Variants in ATP13A4 observed in about 807,000 individuals in gnomAD.
The protein encoded by ATP13A4 is ATPase 13A4, also known as probable cation-transporting ATPase 13A4.
Under a neutral mutation model 142.5 loss-of-function variants are expected in ATP13A4, and 114 were observed. That is an observed-to-expected ratio of 0.80 (90% CI 0.69 to 0.93). The LOEUF (loss-of-function observed/expected upper bound fraction) is 0.93, where lower values mean the gene tolerates loss of function less well. ATP13A4 is among the 40% of genes least tolerant of loss of function. The probability of loss-of-function intolerance (pLI) is 0.00; values close to 1 mark genes in which losing one functional copy is unlikely to be tolerated. For missense variants in ATP13A4, 1,392 were observed against 1,454.0 expected, an observed-to-expected ratio of 0.96 and a Z score of 0.69; for synonymous variants, 488 against 514.8, an observed-to-expected ratio of 0.95 and a Z score of 0.70.
intron 2 of ATP13A4, among the ~76,000 whole-genome samples, chr3:193,562,526 T>G (rs951402367): frequency 6.6e-6 from 1 of 152,186 alleles, no homozygotes; most frequent in Non-Finnish European, 1.5e-5. Flanking sequence ...CTGTTCTCCT[T>G]GCCATTTGCC....
chr3:193,483,885 C>G, intron 8 of ATP13A4, 51 bp downstream of exon 8: 1 of 1,345,622 alleles, frequency 7.4e-7, no homozygotes, highest in Non-Finnish European at 1.1e-6. Flanking sequence ...AATTTAAATT[C>G]TTTTCTGATT....
At chr3:193,532,789 C>T (rs923948132) in intron 1 of ATP13A4, among the ~76,000 whole-genome samples, 1 of 152,034 alleles carries the variant, frequency 6.6e-6, no homozygotes, top group Non-Finnish European at 1.5e-5. Context: ...TGTATCAGAA[C>T]AAACTCAACT....
chr3:193,481,063 GAGCTA>G (rs2108656340), intron 8 of ATP13A4, among the ~76,000 whole-genome samples: 1 of 152,292 alleles, frequency 6.6e-6, no homozygotes, highest in South Asian at 2.1e-4. Flanking sequence ...TCATAAGTGG[GAGCTA>G]AGCTATGAGG....
At chr3:193,566,637 C>T (rs2108739154) in intron 2 of ATP13A4, among the ~76,000 whole-genome samples, 1 of 152,304 alleles carries the variant, frequency 6.6e-6, no homozygotes, top group Non-Finnish European at 1.5e-5. Flanking sequence ...TCCATTAGAT[C>T]CAGTGGTAAC....
At chr3:193,473,934 C>G (rs181343550) in intron 8 of ATP13A4, among the ~76,000 whole-genome samples, 1 of 152,278 alleles carries the variant, frequency 6.6e-6, no homozygotes, top group South Asian at 2.1e-4. Flanking sequence ...AAAACACGAA[C>G]GAGGTCTGAC....
At chr3:193,523,762 C>T (rs971124310) in intron 1 of ATP13A4, among the ~76,000 whole-genome samples, 5 of 152,134 alleles carry the variant, frequency 3.3e-5, no homozygotes, top group Admixed American at 6.5e-5. Context: ...TTTGTCCCCA[C>T]CAAACTCACA....
intron 2 of ATP13A4, among the ~76,000 whole-genome samples, chr3:193,509,499 G>T (rs1721032970): frequency 1.3e-5 from 2 of 152,122 alleles, no homozygotes; most frequent in Non-Finnish European, 1.5e-5. Context: ...ATATTTACTG[G>T]GTTGTAAAGT....
intron 11 of ATP13A4, 45 bp from the exon 12 acceptor site, chr3:193,465,173 G>T: frequency 6.3e-7 from 1 of 1,588,256 alleles, no homozygotes; most frequent in South Asian, 1.1e-5. Context: ...AATCTCTGAT[G>T]AACAGCATAT....
At chr3:193,566,171 G>T (rs911780279) in intron 2 of ATP13A4, among the ~76,000 whole-genome samples, 8 of 152,052 alleles carry the variant, frequency 5.3e-5, no homozygotes, top group Non-Finnish European at 8.8e-5. Flanking sequence ...GGTTCTCCTG[G>T]GGTAATGGAC....
chr3:193,469,715 T>C (rs910077120), intron 9 of ATP13A4, among the ~76,000 whole-genome samples: 6 of 152,206 alleles, frequency 3.9e-5, no homozygotes, highest in Non-Finnish European at 8.8e-5. Flanking sequence ...AGGGGACTAT[T>C]GCAGAGGCTT....
intron 2 of ATP13A4, among the ~76,000 whole-genome samples, chr3:193,561,936 T>C (rs564406896): frequency 3.3e-5 from 5 of 152,328 alleles, no homozygotes; most frequent in Admixed American, 2.0e-4. Context: ...GGATCATCAC[T>C]GTACTTCTCC....
intron 2 of ATP13A4, among the ~76,000 whole-genome samples, chr3:193,568,595 T>C (rs1446861772): frequency 1.3e-5 from 2 of 152,118 alleles, no homozygotes; most frequent in Non-Finnish European, 2.9e-5. Flanking sequence ...TCATAAATGA[T>C]AACATGAGTA....
chr3:193,459,083 A>G lies in ATP13A4; in HGVS notation c.1672T>C (p.Trp558Arg). ...LDLKMFEATTWEMAFSGDDFH... is the reference protein window; with the variant it reads ...LDLKMFEATTREMAFSGDDFH... ...TTCTCTGAAGAGCAGAGGCTTACCC[A>G]GGTGGTGGCTTCAAACATTTTGAGG... Residue 558 changes from tryptophan to arginine, a missense_variant and splice_region_variant, in exon 14 of 30, where the codon TGG becomes CGG. Transcript: ENST00000342695. The G allele has an allele frequency of 6.2e-7, 1 of 1,614,262 alleles. No homozygotes were observed. Among genetic ancestry groups the G allele is most frequent in the Non-Finnish European group, 8.5e-7 (1 of 1,180,036 alleles).
intron 28 of ATP13A4, 127 bp from the exon 29 acceptor site, chr3:193,407,520 C>T: frequency 4.6e-6 from 3 of 655,272 alleles, no homozygotes; most frequent in Admixed American, 2.3e-5. Context: ...GTGTATATTA[C>T]ATATATCTTA....
intron 2 of ATP13A4, among the ~76,000 whole-genome samples, chr3:193,568,636 C>T (rs1003939058): frequency 3.9e-5 from 6 of 152,146 alleles, no homozygotes; most frequent in Non-Finnish European, 5.9e-5. Flanking sequence ...ATCTTTGTTT[C>T]TAATGCCATT....
intron 3 of ATP13A4, among the ~76,000 whole-genome samples, chr3:193,497,461 G>A (rs2108672140): frequency 6.6e-6 from 1 of 152,218 alleles, no homozygotes; most frequent in South Asian, 2.1e-4. Context: ...CTTGTACACT[G>A]TTAGTGAGAC....
chr3:193,585,849 TGA>T (rs1724657343), intron 1 of ATP13A4, among the ~76,000 whole-genome samples: 1 of 152,164 alleles, frequency 6.6e-6, no homozygotes, highest in South Asian at 2.1e-4. Context: ...GATAAATCCC[TGA>T]GAGTGGAATG....
At chr3:193,449,499 T>C (rs1430861368) in intron 17 of ATP13A4, among the ~76,000 whole-genome samples, 3 of 152,234 alleles carry the variant, frequency 2.0e-5, no homozygotes, top group Admixed American at 2.0e-4. Context: ...CAGTTTGAAC[T>C]ACTCACCTCA....
At chr3:193,580,753 A>G (rs1724522274) in intron 2 of ATP13A4, among the ~76,000 whole-genome samples, 1 of 152,200 alleles carries the variant, frequency 6.6e-6, no homozygotes, top group Non-Finnish European at 1.5e-5. Flanking sequence ...GGAGGAAAGG[A>G]AAGGTACGGT....
Sources: allele counts gnomAD v4.1 joint callset (sites outside exome capture counted in the v4.1 genomes callset), GRCh38; gene constraint gnomAD v4.1.1; transcripts MANE v1.5; gene names NCBI Gene and HGNC (gene_info 2026-07-23, HGNC 2026-07-21).